Variants in EYS observed in about 807,000 individuals in gnomAD.
The protein encoded by EYS is protein eyes shut homolog.
Under a neutral mutation model 282.1 loss-of-function variants are expected in EYS, and 250 were observed. The ratio of observed to expected loss-of-function variants is 0.89; its 90% CI spans 0.80 to 0.98. The LOEUF is 0.98. Ranked by LOEUF, EYS falls within the 50% of genes least tolerant of loss-of-function variation. The probability of loss-of-function intolerance (pLI) is 0.00; values close to 1 mark genes in which losing one functional copy is unlikely to be tolerated. For missense variants in EYS, 4,016 were observed against 3,709.0 expected (o/e 1.08, Z -2.15); for synonymous variants, 1,355 against 1,282.9 (o/e 1.06, Z -1.20).
intron 22 of EYS, among the ~76,000 whole-genome samples, chr6:64,809,409 G>A (rs1764530172): frequency 6.6e-6 from 1 of 151,802 alleles, no homozygotes; most frequent in African/African-American, 2.4e-5. Context: ...AAGTAAAAGA[G>A]ATTAAAATAC....
chr6:64,107,692 A>G (rs541068641), intron 31 of EYS, among the ~76,000 whole-genome samples: 2 of 152,128 alleles, frequency 1.3e-5, no homozygotes, highest in Admixed American at 1.3e-4. Context: ...ATTAACCATC[A>G]CAGTGTCTTT....
chr6:64,307,058 T>C lies in EYS; in HGVS notation c.6103A>G (p.Thr2035Ala). 6.5e-7 allele frequency: 1 copy of C among 1,529,334 alleles called. No individual in the cohort carries two copies. The highest frequency in any genetic ancestry group is 1.4e-5 in the African/African-American group (1 of 72,166). 94.7% of individuals were successfully genotyped at this position (1,529,334 alleles called of 1,614,324 possible). ...IQMPVPVKNF[T>A]GCIEVIEINN... is the part of the protein sequence containing the mutation. The stretch of plus-strand genomic sequence containing the variant: ...ATTTCTATAACTTCTATGCAGCCAG[T>C]AAAATTCTTGACTGGTACAGGCATC... The change falls in exon 30 of 43, where the codon ACT becomes GCT. Residue 2035 changes from threonine (T) to alanine (A), a missense_variant. Coordinates refer to ENST00000503581, the MANE Select transcript of EYS (RefSeq NM_001142800.2).
chr6:65,495,472 A>G lies in EYS; in HGVS notation c.-62T>C. The G allele has an allele frequency of 6.4e-7, 1 of 1,553,520 alleles. No homozygotes were observed. The highest frequency in any genetic ancestry group is 8.8e-7 in the Non-Finnish European group (1 of 1,141,986). ...ATTGCTGCAAAATGGTGTTTTAAGT[A>G]TTACCGGAAATTTCCAAGTAAAGTT... On this transcript the variant is annotated 5_prime_UTR_variant, in exon 4 of 43. Transcript: ENST00000503581.
At chr6:64,052,753 TAGTG>T (rs913755485) in intron 33 of EYS, among the ~76,000 whole-genome samples, 107 of 152,244 alleles carry the variant, frequency 7.0e-4, no homozygotes, top group African/African-American at 2.6e-3. Flanking sequence ...TGTTCTCTGA[TAGTG>T]AGTAAGTCTC....
At chr6:64,367,843 A>G (rs571647027) in intron 29 of EYS, among the ~76,000 whole-genome samples, 2 of 152,196 alleles carry the variant, frequency 1.3e-5, no homozygotes, top group African/African-American at 4.8e-5. Flanking sequence ...TGTGCCACTC[A>G]TCTTGAATCT....
intron 15 of EYS, among the ~76,000 whole-genome samples, chr6:64,920,433 G>A (rs1015526665): frequency 6.6e-6 from 1 of 151,988 alleles, no homozygotes; most frequent in Non-Finnish European, 1.5e-5. Flanking sequence ...CCTTAATGGT[G>A]TGTGTGTGTA....
chr6:65,401,859 T>C (rs1188408152), intron 7 of EYS, among the ~76,000 whole-genome samples: 1 of 151,934 alleles, frequency 6.6e-6, no homozygotes, highest in African/African-American at 2.4e-5. Context: ...AGCAGTCAGA[T>C]AAAAGTCAGG....
At chr6:63,803,394 G>C (rs1363084769) in intron 37 of EYS, among the ~76,000 whole-genome samples, 20 of 152,086 alleles carry the variant, frequency 1.3e-4, no homozygotes, top group Admixed American at 1.3e-3. Flanking sequence ...AAAACCATTG[G>C]AGAGAAGCTT....
chr6:64,546,983 C>T (rs558773233), intron 26 of EYS, among the ~76,000 whole-genome samples: 1 of 152,230 alleles, frequency 6.6e-6, no homozygotes, highest in South Asian at 2.1e-4. Flanking sequence ...AGCCACGGAA[C>T]CTCGCGGTGA....
chr6:65,285,143 T>G (rs1562072304), intron 12 of EYS, among the ~76,000 whole-genome samples: 1 of 152,020 alleles, frequency 6.6e-6, no homozygotes, highest in Non-Finnish European at 1.5e-5. Flanking sequence ...GAAATATATG[T>G]TAAAATTTAA....
At chr6:63,722,469 T>G (rs1768438533) in intron 42 of EYS, among the ~76,000 whole-genome samples, 3 of 152,142 alleles carry the variant, frequency 2.0e-5, no homozygotes, top group Admixed American at 2.0e-4. Flanking sequence ...TATAATTATA[T>G]AGTCGTGTGA....
intron 2 of EYS, among the ~76,000 whole-genome samples, chr6:65,523,121 T>C (rs994661229): frequency 6.6e-6 from 1 of 152,198 alleles, no homozygotes. Context: ...AGGCCTGTTA[T>C]ATATGATTTT....
intron 8 of EYS, among the ~76,000 whole-genome samples, chr6:65,369,570 A>G (rs1255638615): frequency 6.6e-6 from 1 of 151,170 alleles, no homozygotes; most frequent in Non-Finnish European, 1.5e-5. Context: ...ATAAAGTTGT[A>G]TGCATTTGAT....
chr6:65,586,401 G>C (rs186679908), intron 2 of EYS, among the ~76,000 whole-genome samples: 2 of 151,912 alleles, frequency 1.3e-5, no homozygotes, highest in Admixed American at 6.6e-5. Flanking sequence ...TAACCAAAAG[G>C]GGCAACTATT....
chr6:64,929,129 C>T (rs1166785921), intron 15 of EYS, among the ~76,000 whole-genome samples: 5 of 151,992 alleles, frequency 3.3e-5, no homozygotes, highest in Non-Finnish European at 7.4e-5. Context: ...AGGGTGGAAA[C>T]TAATTCAATA....
At chr6:65,560,406 TTATA>T (rs1170952337) in intron 2 of EYS, among the ~76,000 whole-genome samples, 2 of 146,148 alleles carry the variant, frequency 1.4e-5, no homozygotes, top group East Asian at 4.0e-4. Context: ...TATAACATAA[TTATA>T]TAATAACAAT....
intron 33 of EYS, among the ~76,000 whole-genome samples, chr6:64,044,750 T>C (rs1770544356): frequency 6.6e-6 from 1 of 152,202 alleles, no homozygotes; most frequent in Non-Finnish European, 1.5e-5. Context: ...TTAAAAAATA[T>C]GATAAACTTT....
intron 28 of EYS, among the ~76,000 whole-genome samples, chr6:64,405,248 G>A (rs535550709): frequency 1.3e-5 from 2 of 152,026 alleles, no homozygotes; most frequent in Non-Finnish European, 2.9e-5. Context: ...TCCTTTCATT[G>A]TCAAATAGGA....
chr6:65,581,417 A>AAT (rs10653290), intron 2 of EYS, among the ~76,000 whole-genome samples: 34,624 of 151,918 alleles, frequency 0.23, 4,051 homozygotes, highest in East Asian at 0.35. Context: ...ACTATTAATA[A>AAT]ATATATATCT....
Sources: gnomAD v4.1 joint callset for allele counts (sites outside exome capture counted in the v4.1 genomes callset) on GRCh38, gnomAD v4.1.1 for gene constraint, MANE v1.5 for transcripts, NCBI Gene and HGNC (gene_info 2026-07-23, HGNC 2026-07-21) for gene names.